The following EBF1 variants were observed in gnomAD, a reference collection of about 807,000 sequenced individuals.
EBF1 encodes the protein EBF transcription factor 1, also known as transcription factor COE1.
EBF1 carries 10 observed loss-of-function variants against 68.4 expected under a neutral mutation model. The ratio of observed to expected loss-of-function variants is 0.15; its 90% CI spans 0.09 to 0.25. EBF1 has a LOEUF of 0.25. Among genes scored for constraint, EBF1 ranks in the 10% least tolerant of loss-of-function variants. EBF1 has a pLI of 1.00. For synonymous variants in EBF1, 298 were observed against 299.8 expected, an observed-to-expected ratio of 0.99 and a Z score of 0.06; for missense variants, 509 against 794.4, an observed-to-expected ratio of 0.64 and a Z score of 4.32.
intron 15 of EBF1, among the ~76,000 whole-genome samples, chr5:158,704,578 C>T (rs1171243037): frequency 6.6e-6 from 1 of 151,918 alleles, no homozygotes; most frequent in Admixed American, 6.6e-5. Flanking sequence ...TGGAATAGAA[C>T]ACTTCAGGGA....
chr5:158,742,461 A>C (rs1175308151), intron 10 of EBF1, among the ~76,000 whole-genome samples: 1 of 148,784 alleles, frequency 6.7e-6, no homozygotes, highest in Non-Finnish European at 1.5e-5. Context: ...TTAGCACATA[A>C]ATACTCAATA....
chr5:158,955,330 A>C (rs1340360089), intron 6 of EBF1, among the ~76,000 whole-genome samples: 2 of 152,130 alleles, frequency 1.3e-5, no homozygotes, highest in Non-Finnish European at 2.9e-5. Context: ...TCTAAAAAAA[A>C]AAGAGAGAGA....
chr5:159,024,527 C>T (rs10076815), intron 6 of EBF1, among the ~76,000 whole-genome samples: 11,109 of 152,234 alleles, frequency 0.073, 870 homozygotes, highest in East Asian at 0.33. Context: ...AACGTGATCA[C>T]CTGTTTGACT....
chr5:158,870,059 G>T (rs1796615804), intron 6 of EBF1, among the ~76,000 whole-genome samples: 1 of 152,158 alleles, frequency 6.6e-6, no homozygotes, highest in South Asian at 2.1e-4. Context: ...TGCACTTCAT[G>T]CCAAAACAAA....
chr5:158,948,830 C>T (rs1583404070), intron 6 of EBF1, among the ~76,000 whole-genome samples: 1 of 152,356 alleles, frequency 6.6e-6, no homozygotes, highest in African/African-American at 2.4e-5. Context: ...GAATACGCTT[C>T]AGCCGGACCT....
intron 1 of EBF1, among the ~76,000 whole-genome samples, chr5:159,098,874 GA>G (rs1783125273): frequency 6.9e-6 from 1 of 144,402 alleles, no homozygotes; most frequent in South Asian, 2.2e-4. Flanking sequence ...AAAAGAAAAG[GA>G]GGAAAGAAAA....
At chr5:158,857,518 T>C (rs975694668) in intron 6 of EBF1, among the ~76,000 whole-genome samples, 1 of 152,120 alleles carries the variant, frequency 6.6e-6, no homozygotes, top group Non-Finnish European at 1.5e-5. Flanking sequence ...GTGCTGTTAA[T>C]CATTGGACTA....
intron 8 of EBF1, among the ~76,000 whole-genome samples, chr5:158,806,332 G>A (rs1781593293): frequency 6.6e-6 from 1 of 152,100 alleles, no homozygotes; most frequent in African/African-American, 2.4e-5. Flanking sequence ...TTGTGAGCTG[G>A]TTTATAGCAA....
chr5:158,933,042 GATA>G (rs967942763), intron 6 of EBF1, among the ~76,000 whole-genome samples: 4 of 152,124 alleles, frequency 2.6e-5, no homozygotes, highest in African/African-American at 9.7e-5. Context: ...CTGGGCTTAG[GATA>G]ATTGTAGCCA....
At chr5:159,076,477 C>T (rs1423023429) in intron 5 of EBF1, among the ~76,000 whole-genome samples, 1 of 152,048 alleles carries the variant, frequency 6.6e-6, no homozygotes, top group Non-Finnish European at 1.5e-5. Context: ...CTGAGAGCAG[C>T]CAGATGAATT....
At chr5:159,094,117 GA>G (rs1263146275) in intron 4 of EBF1, among the ~76,000 whole-genome samples, 72 of 14,108 alleles carry the variant, frequency 5.1e-3, no homozygotes, top group Admixed American at 0.017. Context: ...CATCGCAAAA[GA>G]AAAAAAGTTA....
At chr5:159,005,459 T>C (rs1763370866) in intron 6 of EBF1, among the ~76,000 whole-genome samples, 1 of 152,228 alleles carries the variant, frequency 6.6e-6, no homozygotes, top group Non-Finnish European at 1.5e-5. Flanking sequence ...ACTCTTCCTA[T>C]TTTCTCCCCA....
At chr5:158,928,630 T>C (rs1032624883) in intron 6 of EBF1, among the ~76,000 whole-genome samples, 1 of 152,222 alleles carries the variant, frequency 6.6e-6, no homozygotes, top group African/African-American at 2.4e-5. Context: ...CATTCTTCAG[T>C]GTGATTTACT....
chr5:159,029,061 T>C (rs1294828252), intron 6 of EBF1, among the ~76,000 whole-genome samples: 1 of 152,092 alleles, frequency 6.6e-6, no homozygotes, highest in Non-Finnish European at 1.5e-5. Flanking sequence ...CTTAAACCAA[T>C]TGATAAGCAA....
intron 8 of EBF1, among the ~76,000 whole-genome samples, chr5:158,813,172 TTTTC>T (rs1179780204): frequency 2.6e-5 from 4 of 152,194 alleles, no homozygotes; most frequent in African/African-American, 9.7e-5. Flanking sequence ...TAGATCAACT[TTTTC>T]TTTAACTTTA....
At chr5:158,925,990 A>G (rs927916843) in intron 6 of EBF1, among the ~76,000 whole-genome samples, 1 of 152,240 alleles carries the variant, frequency 6.6e-6, no homozygotes, top group Non-Finnish European at 1.5e-5. Context: ...TCAAAATGGT[A>G]CAAGAGGAAT....
At chr5:158,981,746 A>T (rs1378224905) in intron 6 of EBF1, among the ~76,000 whole-genome samples, 1 of 152,202 alleles carries the variant, frequency 6.6e-6, no homozygotes, top group Non-Finnish European at 1.5e-5. Context: ...CTCCTAACAA[A>T]ATGGCGCAAG....
intron 12 of EBF1, 51 bp downstream of exon 12, chr5:158,714,066 T>A: frequency 6.3e-7 from 1 of 1,582,858 alleles, no homozygotes; most frequent in Non-Finnish European, 8.7e-7. Context: ...GAATCTGAGA[T>A]CTTTAATTGC....
rs116702342 is a variant in EBF1, at chr5:158,835,348, G to C, written c.636+4681C>G. On this transcript the variant is annotated intron_variant, in intron 7 of 15. Coordinates refer to ENST00000313708, the MANE Select transcript of EBF1 (RefSeq NM_024007.5). ...CCAAACCCTTTACAGGTTAAGTGAA[G>C]TTCAGGTTACCTGCTAAATAATAGC... Among the ~76,000 whole-genome samples, 1,298 of 152,292 alleles carry C rather than the reference G, an allele frequency of 8.5e-3. 26 individuals carry two copies. The highest frequency in any genetic ancestry group is 0.03 in the African/African-American group (1,231 of 41,562).
Sources: gnomAD v4.1 joint callset for allele counts (sites outside exome capture counted in the v4.1 genomes callset) on GRCh38, gnomAD v4.1.1 for gene constraint, MANE v1.5 for transcripts, NCBI Gene and HGNC (gene_info 2026-07-23, HGNC 2026-07-21) for gene names.